The following USP48 variants were observed in gnomAD, a reference collection of about 807,000 sequenced individuals.
USP48 encodes ubiquitin carboxyl-terminal hydrolase 48.
USP48 carries 43 observed loss-of-function variants against 150.7 expected under a neutral mutation model. The observed-to-expected ratio is 0.29, with a 90% CI of 0.22 to 0.37. The LOEUF (loss-of-function observed/expected upper bound fraction) is 0.37. USP48 is among the 10% of genes least tolerant of loss of function. The pLI is 1.00. For synonymous variants in USP48, 396 were observed against 425.9 expected, an observed-to-expected ratio of 0.93 and a Z score of 0.86; for missense variants, 813 against 1,249.6, an observed-to-expected ratio of 0.65 and a Z score of 5.27.
chr1:21,748,709 G>A (rs553557274), intron 6 of USP48, among the ~76,000 whole-genome samples: 21 of 152,348 alleles, frequency 1.4e-4, no homozygotes, highest in African/African-American at 4.1e-4. Flanking sequence ...CCAGGAATTC[G>A]AGACCGGCCT....
chr1:21,767,269 AATTC>A (rs544654068), intron 1 of USP48, among the ~76,000 whole-genome samples: 187 of 152,188 alleles, frequency 1.2e-3, no homozygotes, highest in Non-Finnish European at 2.2e-3. Flanking sequence ...GCTGGGCTAG[AATTC>A]CTTGACTCAG....
At chr1:21,709,409 G>A (rs60022175) in intron 15 of USP48, among the ~76,000 whole-genome samples, 1,579 of 151,904 alleles carry the variant, frequency 0.01, 22 homozygotes, top group African/African-American at 0.034. Flanking sequence ...CACAATTAGG[G>A]AATTTATTTT....
intron 8 of USP48, among the ~76,000 whole-genome samples, chr1:21,746,650 G>A (rs2097795175): frequency 1.3e-5 from 2 of 152,048 alleles, no homozygotes; most frequent in Non-Finnish European, 1.5e-5. Context: ...AAAAATGAAA[G>A]CATAAATACT....
chr1:21,744,194 A>G (rs968167572), intron 8 of USP48, among the ~76,000 whole-genome samples: 21 of 152,120 alleles, frequency 1.4e-4, no homozygotes, highest in African/African-American at 4.3e-4. Context: ...CTGTAATCCC[A>G]CCACTTTGGG....
At chr1:21,721,904 A>G (rs2097721848) in intron 12 of USP48, 140 bp from the exon 13 acceptor site, 2 of 499,808 alleles carry the variant, frequency 4.0e-6, no homozygotes, top group South Asian at 8.7e-5. Context: ...ATTGGTATAT[A>G]CCCTAAATTA....
chr1:21,781,668 A>G (rs1252762741), intron 1 of USP48, among the ~76,000 whole-genome samples: 1 of 152,216 alleles, frequency 6.6e-6, no homozygotes, highest in Non-Finnish European at 1.5e-5. Context: ...TGGGAAACGG[A>G]GGTTGCAGTG....
intron 14 of USP48, among the ~76,000 whole-genome samples, chr1:21,718,915 G>C (rs187940708): frequency 6.6e-6 from 1 of 152,172 alleles, no homozygotes; most frequent in African/African-American, 2.4e-5. Flanking sequence ...CAGGATACTA[G>C]AACTCAAATT....
chr1:21,751,127 G>A (rs1323205134), intron 6 of USP48, among the ~76,000 whole-genome samples: 1 of 152,152 alleles, frequency 6.6e-6, no homozygotes, highest in Non-Finnish European at 1.5e-5. Flanking sequence ...TAAATATACA[G>A]AAAGCAGAAT....
chr1:21,717,617 T>C (rs1440682736), intron 14 of USP48, among the ~76,000 whole-genome samples: 1 of 152,110 alleles, frequency 6.6e-6, no homozygotes, highest in East Asian at 1.9e-4. Context: ...TGAAAAACAT[T>C]AAGCCTCAAC....
chr1:21,698,496 C>T (rs2097644546), intron 22 of USP48, among the ~76,000 whole-genome samples: 1 of 151,352 alleles, frequency 6.6e-6, no homozygotes, highest in Non-Finnish European at 1.5e-5. Flanking sequence ...ACTAGACCAC[C>T]AAAAAAAAGT....
chr1:21,728,014 C>T, intron 11 of USP48: 4 of 985,416 alleles, frequency 4.1e-6, no homozygotes, highest in Non-Finnish European at 4.8e-6. Flanking sequence ...TTTGAGACAT[C>T]AGGTAAACCT....
rs757108325 is a variant in USP48, at chr1:21,706,502, C to A, written c.2176G>T (p.Asp726Tyr). 1 of 1,614,106 alleles carries A rather than the reference C, an allele frequency of 6.2e-7. No individual in the cohort carries two copies. The highest frequency in any genetic ancestry group is 8.5e-7 in the Non-Finnish European group (1 of 1,180,028). ...QKTSLPNLFQ[D>Y]KNRPCLSNWP... Reference sequence around the variant, plus strand: ...TTACTGAGACACGGTCTGTTTTTATCCTGGAACAAATTTGGGAGAGAAGTC... The same window carrying A: ...TTACTGAGACACGGTCTGTTTTTATACTGGAACAAATTTGGGAGAGAAGTC... Residue 726 changes from aspartate (D) to tyrosine (Y), a missense_variant, in exon 17 of 27, where the codon GAT (aspartate) becomes TAT (tyrosine). Coordinates refer to ENST00000308271, the MANE Select transcript of USP48 (RefSeq NM_032236.8).
chr1:21,753,216 T>C (rs1229283736), intron 3 of USP48, 97 bp from the exon 4 acceptor site: 2 of 1,237,212 alleles, frequency 1.6e-6, no homozygotes, highest in South Asian at 1.4e-5. Flanking sequence ...TAAACATCTC[T>C]ACATCCAAAC....
At chr1:21,779,086 ATT>A (rs2097907882) in intron 1 of USP48, among the ~76,000 whole-genome samples, 1 of 151,916 alleles carries the variant, frequency 6.6e-6, no homozygotes, top group African/African-American at 2.4e-5. Context: ...CAGCAAAAAA[ATT>A]TTGTTTAATT....
chr1:21,711,097 T>A (rs932151044), intron 15 of USP48, among the ~76,000 whole-genome samples: 2 of 151,994 alleles, frequency 1.3e-5, no homozygotes, highest in African/African-American at 4.8e-5. Flanking sequence ...ATTATTTATA[T>A]ATATATATAA....
chr1:21,716,076 A>G (rs547650398), intron 14 of USP48, among the ~76,000 whole-genome samples: 6 of 152,282 alleles, frequency 3.9e-5, no homozygotes, highest in African/African-American at 1.4e-4. Flanking sequence ...GTGACAGCAA[A>G]ACTAGCATGA....
intron 22 of USP48, among the ~76,000 whole-genome samples, chr1:21,697,212 G>A (rs1447166277): frequency 5.3e-5 from 8 of 151,996 alleles, no homozygotes; most frequent in Admixed American, 5.2e-4. Flanking sequence ...GACCACTGGC[G>A]AGACACTGCC....
At chr1:21,767,540 G>C (rs1227550941) in intron 1 of USP48, among the ~76,000 whole-genome samples, 1 of 151,720 alleles carries the variant, frequency 6.6e-6, no homozygotes, top group East Asian at 1.9e-4. Flanking sequence ...GGCCAGGCTG[G>C]TCTCGATCTC....
chr1:21,706,093 C>CTAT, intron 18 of USP48, 33 bp downstream of exon 18: 1 of 1,604,018 alleles, frequency 6.2e-7, no homozygotes, highest in African/African-American at 1.3e-5. Context: ...AAATCAGTAA[C>CTAT]AATAAAGGAA....
Sources: gnomAD v4.1 joint callset for allele counts (sites outside exome capture counted in the v4.1 genomes callset) on GRCh38, gnomAD v4.1.1 for gene constraint, MANE v1.5 for transcripts, NCBI Gene and HGNC (gene_info 2026-07-23, HGNC 2026-07-21) for gene names.